CD99: variants seen among roughly 807,000 people sequenced by gnomAD.
CD99 encodes the protein CD99 molecule (Xg blood group), also known as CD99 antigen.
In CD99, 19 loss-of-function variants were observed where a neutral mutation model predicts 28.4. The ratio of observed to expected loss-of-function variants is 0.67; its 90% confidence interval spans 0.47 to 0.98. CD99 has a LOEUF of 0.98. Among genes scored for constraint, CD99 ranks in the 50% least tolerant of loss-of-function variants. The probability of loss-of-function intolerance (pLI) is 0.00; values close to 1 mark genes in which losing one functional copy is unlikely to be tolerated. For missense variants in CD99, 283 were observed against 248.8 expected (o/e 1.14, Z -0.92); for synonymous variants, 103 against 92.1 (o/e 1.12, Z -0.67).
intron 1 of CD99, among the ~76,000 whole-genome samples, chrX:2,705,812 A>G: frequency 6.6e-6 from 1 of 152,304 alleles, no homozygotes; most frequent in Admixed American, 6.5e-5. Flanking sequence ...GTTTTATAGC[A>G]ACAGAAAAGT....
intron 1 of CD99, among the ~76,000 whole-genome samples, chrX:2,709,440 ATATT>A (rs1400699970): frequency 6.6e-5 from 10 of 152,364 alleles, no homozygotes; most frequent in South Asian, 4.1e-4. Flanking sequence ...ATGCACATAT[ATATT>A]CATGCAGTGC....
intron 8 of CD99, among the ~76,000 whole-genome samples, chrX:2,731,360 C>T (rs1467173803): frequency 1.4e-4 from 22 of 152,114 alleles, no homozygotes; most frequent in Admixed American, 1.4e-3. Flanking sequence ...GAGGCCAAGG[C>T]GGGTGGATCA....
At chrX:2,730,715 A>C (rs767780206) in intron 8 of CD99, among the ~76,000 whole-genome samples, 5 of 152,232 alleles carry the variant, frequency 3.3e-5, no homozygotes, top group Admixed American at 1.3e-4. Flanking sequence ...AAAAGAAAAT[A>C]AAATAAAGTA....
At chrX:2,727,724 G>A (rs1464273289) in intron 8 of CD99, among the ~76,000 whole-genome samples, 1 of 152,078 alleles carries the variant, frequency 6.6e-6, no homozygotes, top group Non-Finnish European at 1.5e-5. Flanking sequence ...TGATCCACCC[G>A]CCTCGGCCTC....
chrX:2,709,579 C>A (rs774408489), intron 1 of CD99, among the ~76,000 whole-genome samples: 2 of 152,280 alleles, frequency 1.3e-5, no homozygotes, highest in African/African-American at 2.4e-5. Context: ...CCACACCATA[C>A]ACCCACACAT....
In CD99 at chrX:2,722,634, T is replaced by C. The variant is rs1207410521; in HGVS notation, c.270T>C (p.Phe90=). The change falls in exon 6 of 10, where the codon TTT becomes TTC. Residue 90 remains phenylalanine, a synonymous_variant. Coordinates refer to ENST00000381192, the MANE Select transcript of CD99 (RefSeq NM_002414.5). ...NPNHPSSSGS[F]SDADLADGVS... ...CTGTATTTTCTTTCCTAGGTAGCTT[T>C]TCAGATGCTGACCTTGCGGATGGCG... 6.2e-7 allele frequency: 1 copy of C among 1,613,992 alleles called. No homozygotes were observed. Among genetic ancestry groups the C allele is most frequent in the East Asian group, 2.2e-5 (1 of 44,888 alleles).
chrX:2,697,583 A>G (rs189177484), intron 1 of CD99, among the ~76,000 whole-genome samples: 11 of 152,252 alleles, frequency 7.2e-5, no homozygotes, highest in Admixed American at 4.6e-4. Flanking sequence ...TGCTGACCAG[A>G]AGGAGCTTTC....
At chrX:2,718,374 T>C (rs923488587) in intron 3 of CD99, among the ~76,000 whole-genome samples, 13 of 150,404 alleles carry the variant, frequency 8.6e-5, no homozygotes, top group South Asian at 2.1e-4. Flanking sequence ...TCTTTCTTTT[T>C]TTTTTTTTTT....
At position 2,740,881 on chromosome X, in the gene CD99, C is replaced by G. The variant is rs367977609; in HGVS notation, c.*77C>G. 2 of 1,504,090 alleles carry G rather than the reference C, an allele frequency of 1.3e-6. No homozygotes were observed. The highest frequency in any genetic ancestry group is 1.9e-6 in the Non-Finnish European group (2 of 1,079,658). 93.2% of individuals were successfully genotyped at this position (1,504,090 alleles called of 1,614,324 possible). Reference sequence around the variant, plus strand: ...GCCTGAGGCTCCTCCCTGAAGGACACCTGCCTGAGAGCAGAGATGGAGGCC... The same window carrying G: ...GCCTGAGGCTCCTCCCTGAAGGACAGCTGCCTGAGAGCAGAGATGGAGGCC... On this transcript the variant is annotated 3_prime_UTR_variant, in exon 10 of 10. Transcript: ENST00000381192.
intron 1 of CD99, among the ~76,000 whole-genome samples, chrX:2,705,810 G>C (rs1409747616): frequency 1.3e-5 from 2 of 152,098 alleles, no homozygotes; most frequent in African/African-American, 4.8e-5. Flanking sequence ...CGGTTTTATA[G>C]CAACAGAAAA....
chrX:2,722,139 A>AG (rs2049020150), intron 5 of CD99, among the ~76,000 whole-genome samples: 1 of 152,056 alleles, frequency 6.6e-6, no homozygotes, highest in African/African-American at 2.4e-5. Context: ...TTAAAAAAAA[A>AG]AAACAAACCT....
At chrX:2,721,742 T>G (rs1165325689) in intron 5 of CD99, among the ~76,000 whole-genome samples, 1 of 152,240 alleles carries the variant, frequency 6.6e-6, no homozygotes, top group Non-Finnish European at 1.5e-5. Context: ...GTTTTACTGA[T>G]AATCATGTAC....
In CD99 at chrX:2,691,320, C is replaced by G; in HGVS notation, c.-41C>G. The G allele has an allele frequency of 2.0e-6, 3 of 1,505,766 alleles. No homozygotes were observed. Among genetic ancestry groups the G allele is most frequent in the East Asian group, 2.6e-5 (1 of 38,004 alleles). The allele number at this position is 1,505,766 out of a possible 1,614,324, so 93.3% of individuals were successfully genotyped here. A position where few individuals can be genotyped will look rare whatever the true frequency, so the allele number is the denominator to read the frequency against. On this transcript the variant is annotated 5_prime_UTR_variant, in exon 1 of 10. Coordinates refer to ENST00000381192, the MANE Select transcript of CD99 (RefSeq NM_002414.5). The stretch of plus-strand genomic sequence containing the variant: ...ATCTGTCCTGCCGCCTTCGCCCACG[C>G]CCTGCACTCCGGGACCGTCCCTGCG...
intron 8 of CD99, among the ~76,000 whole-genome samples, chrX:2,728,266 T>C (rs2049402075): frequency 6.9e-6 from 1 of 145,976 alleles, no homozygotes; most frequent in Non-Finnish European, 1.5e-5. Context: ...ATGCAATGGC[T>C]CCATCTTGGC....
At chrX:2,701,359 A>G (rs2047854655) in intron 1 of CD99, among the ~76,000 whole-genome samples, 1 of 152,054 alleles carries the variant, frequency 6.6e-6, no homozygotes, top group Non-Finnish European at 1.5e-5. Context: ...TATTGGTGCT[A>G]TTTGCTGTGG....
At chrX:2,725,825 C>A (rs2049250993) in intron 7 of CD99, among the ~76,000 whole-genome samples, 1 of 152,182 alleles carries the variant, frequency 6.6e-6, no homozygotes, top group Non-Finnish European at 1.5e-5. Flanking sequence ...GTTGACCAGG[C>A]TGGTCTCAAA....
intron 1 of CD99, among the ~76,000 whole-genome samples, chrX:2,706,883 C>T (rs775548752): frequency 4.6e-5 from 7 of 151,876 alleles, no homozygotes; most frequent in South Asian, 2.1e-4. Context: ...TGCAGTGGTG[C>T]GATCTCGGCT....
At chrX:2,704,453 A>C (rs1603265336) in intron 1 of CD99, among the ~76,000 whole-genome samples, 1 of 150,952 alleles carries the variant, frequency 6.6e-6, no homozygotes, top group Non-Finnish European at 1.5e-5. Context: ...TTTTTTTTTG[A>C]GACAAAGTCT....
At chrX:2,739,024 GT>G (rs893733523) in intron 9 of CD99, among the ~76,000 whole-genome samples, 6 of 148,274 alleles carry the variant, frequency 4.0e-5, no homozygotes, top group East Asian at 2.0e-4. Flanking sequence ...ATTTGTTGTT[GT>G]TTTTTTTTTA....
Sources: gnomAD v4.1 joint callset for allele counts (sites outside exome capture counted in the v4.1 genomes callset) on GRCh38, gnomAD v4.1.1 for gene constraint, MANE v1.5 for transcripts, NCBI Gene and HGNC (gene_info 2026-07-23, HGNC 2026-07-21) for gene names.